The following CCDC83 variants were observed in gnomAD, a reference collection of about 807,000 sequenced individuals.
The protein encoded by CCDC83 is coiled-coil domain containing 83.
CCDC83 carries 54 observed loss-of-function variants against 50.1 expected under a neutral mutation model. The observed-to-expected ratio is 1.08, with a 90% CI of 0.87 to 1.35. CCDC83 has a LOEUF of 1.35. CCDC83 is among the 40% of genes most tolerant of loss of function. The pLI is 0.00. For missense variants in CCDC83, 518 were observed against 473.9 expected (o/e 1.09, Z -0.86); for synonymous variants, 161 against 153.3 (o/e 1.05, Z -0.37).
chr11:85,874,364 A>C (rs2093257251), intron 3 of CCDC83, among the ~76,000 whole-genome samples: 1 of 152,222 alleles, frequency 6.6e-6, no homozygotes. Flanking sequence ...TGATCAGCAC[A>C]GGGACTTGTA....
chr11:85,907,214 G>A (rs2093429834), intron 7 of CCDC83, among the ~76,000 whole-genome samples: 1 of 152,050 alleles, frequency 6.6e-6, no homozygotes, highest in Non-Finnish European at 1.5e-5. Context: ...CTACACAGCT[G>A]TTTTGTTACA....
At chr11:85,902,313 G>A (rs1214111150) in intron 7 of CCDC83, among the ~76,000 whole-genome samples, 1 of 152,090 alleles carries the variant, frequency 6.6e-6, no homozygotes, top group Non-Finnish European at 1.5e-5. Context: ...GACAAATAAA[G>A]CTATTTTCAG....
intron 7 of CCDC83, among the ~76,000 whole-genome samples, chr11:85,908,280 G>A (rs1015211422): frequency 5.3e-5 from 8 of 152,140 alleles, no homozygotes; most frequent in African/African-American, 1.9e-4. Context: ...ATTCACCCTT[G>A]CATCCTTCTA....
rs181848631 is a variant in CCDC83, at chr11:85,858,612, G to C, written c.-29+3028G>C. ...CCTTGGTCATGATAGGGGTACAAGGGAGACAGCCACAGGGAACTATGAATT... is the reference window on the plus strand; with the variant it reads ...CCTTGGTCATGATAGGGGTACAAGGCAGACAGCCACAGGGAACTATGAATT... On this transcript the variant is annotated intron_variant, in intron 1 of 10. Coordinates refer to ENST00000342404, the MANE Select transcript of CCDC83 (RefSeq NM_001286159.2). 3.4e-3 allele frequency among the ~76,000 whole-genome samples: 513 copies of C among 152,282 alleles called. 4 individuals are homozygous for C. Among genetic ancestry groups the C allele is most frequent in the African/African-American group, 0.012 (484 of 41,556 alleles).
intron 7 of CCDC83, among the ~76,000 whole-genome samples, chr11:85,902,888 C>A (rs542616171): frequency 1.2e-4 from 18 of 152,110 alleles, no homozygotes; most frequent in African/African-American, 4.1e-4. Context: ...CTGTATATGC[C>A]GGTTTTGCAT....
At chr11:85,860,917 T>C (rs1235920168) in intron 1 of CCDC83, among the ~76,000 whole-genome samples, 1 of 152,022 alleles carries the variant, frequency 6.6e-6, no homozygotes, top group Non-Finnish European at 1.5e-5. Flanking sequence ...TCACTATAAG[T>C]GCAAGCTAAA....
chr11:85,873,797 T>C, intron 3 of CCDC83, among the ~76,000 whole-genome samples: 1 of 152,210 alleles, frequency 6.6e-6, no homozygotes, highest in East Asian at 1.9e-4. Context: ...GTGCTATATA[T>C]GACTATCGGG....
intron 5 of CCDC83, among the ~76,000 whole-genome samples, chr11:85,890,104 T>C (rs1245416415): frequency 1.3e-5 from 2 of 152,186 alleles, no homozygotes; most frequent in African/African-American, 2.4e-5. Context: ...ATCTCAAATC[T>C]GGGTGAAAGG....
intron 3 of CCDC83, among the ~76,000 whole-genome samples, chr11:85,879,005 C>A (rs1354112338): frequency 6.8e-6 from 1 of 147,050 alleles, no homozygotes; most frequent in East Asian, 2.0e-4. Context: ...TTGAGTTTTA[C>A]GTATATATAT....
chr11:85,867,713 G>A (rs763271751), intron 2 of CCDC83, among the ~76,000 whole-genome samples: 6 of 152,182 alleles, frequency 3.9e-5, no homozygotes, highest in Non-Finnish European at 7.3e-5. Context: ...GTTAACAGCT[G>A]TTTTTCTCTC....
At chr11:85,866,754 A>C (rs993063082) in intron 2 of CCDC83, among the ~76,000 whole-genome samples, 14 of 152,152 alleles carry the variant, frequency 9.2e-5, no homozygotes, top group Non-Finnish European at 1.5e-4. Context: ...TAACTAAAGG[A>C]CTTTAGTCAG....
At chr11:85,863,625 G>A (rs971313965) in intron 1 of CCDC83, among the ~76,000 whole-genome samples, 1 of 152,202 alleles carries the variant, frequency 6.6e-6, no homozygotes, top group African/African-American at 2.4e-5. Context: ...CAGGCAGCAT[G>A]TCTACAGAGA....
chr11:85,918,985 C>G (rs1180552387), intron 10 of CCDC83, among the ~76,000 whole-genome samples: 1 of 152,130 alleles, frequency 6.6e-6, no homozygotes, highest in Non-Finnish European at 1.5e-5. Context: ...TTCCTTTTGG[C>G]AAAGTGAATT....
intron 6 of CCDC83, among the ~76,000 whole-genome samples, chr11:85,896,997 CA>C (rs1300298698): frequency 6.6e-6 from 1 of 152,132 alleles, no homozygotes; most frequent in East Asian, 1.9e-4. Context: ...CTAATTTACA[CA>C]AATACAGAAG....
intron 10 of CCDC83, among the ~76,000 whole-genome samples, chr11:85,917,167 A>AGAGG (rs1554986879): frequency 5.1e-4 from 44 of 86,970 alleles, no homozygotes; most frequent in African/African-American, 1.8e-3. Context: ...AGAGAGAGAG[A>AGAGG]GAAAGAAAGA....
At chr11:85,873,326 T>C (rs753282698) in intron 3 of CCDC83, 31 bp downstream of exon 3, 3 of 872,034 alleles carry the variant, frequency 3.4e-6, no homozygotes, top group African/African-American at 1.7e-5. Context: ...CTATATATAG[T>C]CATTAAATAT....
At chr11:85,898,203 T>C (rs2093384356) in intron 6 of CCDC83, among the ~76,000 whole-genome samples, 1 of 152,048 alleles carries the variant, frequency 6.6e-6, no homozygotes, top group African/African-American at 2.4e-5. Flanking sequence ...CTTAACACAC[T>C]TTTAAATCAT....
chr11:85,866,567 T>C (rs903698960), intron 2 of CCDC83, among the ~76,000 whole-genome samples: 1 of 151,726 alleles, frequency 6.6e-6, no homozygotes, highest in African/African-American at 2.4e-5. Flanking sequence ...ACGGGAGGAT[T>C]GCCTGAGCCC....
chr11:85,885,352 A>G (rs1193890713), intron 4 of CCDC83, among the ~76,000 whole-genome samples: 1 of 152,202 alleles, frequency 6.6e-6, no homozygotes, highest in East Asian at 1.9e-4. Context: ...TTGAGCGCCA[A>G]CTAATTGCCA....
Sources: gnomAD v4.1 joint callset for allele counts (sites outside exome capture counted in the v4.1 genomes callset) on GRCh38, gnomAD v4.1.1 for gene constraint, MANE v1.5 for transcripts, NCBI Gene and HGNC (gene_info 2026-07-23, HGNC 2026-07-21) for gene names.